Variants in CMSS1 observed in about 807,000 individuals in gnomAD.
CMSS1 encodes cms1 ribosomal small subunit homolog.
CMSS1 carries 33 observed loss-of-function variants against 43.5 expected under a neutral mutation model. The ratio of observed to expected loss-of-function variants is 0.76; its 90% CI spans 0.57 to 1.01. The LOEUF is 1.01. CMSS1 is among the 50% of genes least tolerant of loss of function. CMSS1 has a pLI of 0.00. For synonymous variants in CMSS1, 115 were observed against 117.2 expected (o/e 0.98, Z 0.12); for missense variants, 313 against 326.4 (o/e 0.96, Z 0.32).
chr3:100,019,705 T>TGA (rs1326132991), intron 1 of CMSS1, among the ~76,000 whole-genome samples: 1 of 152,236 alleles, frequency 6.6e-6, no homozygotes, highest in Admixed American at 6.5e-5. Context: ...TATGAATGTA[T>TGA]GCTGATGTAT....
chr3:99,862,838 T>C (rs1944327985), intron 1 of CMSS1, among the ~76,000 whole-genome samples: 1 of 152,234 alleles, frequency 6.6e-6, no homozygotes, highest in Non-Finnish European at 1.5e-5. Context: ...CTCACAGATC[T>C]ACTCCACAGC....
intron 1 of CMSS1, among the ~76,000 whole-genome samples, chr3:100,015,191 T>A (rs898201338): frequency 2.0e-5 from 3 of 152,118 alleles, no homozygotes; most frequent in Admixed American, 6.5e-5. Flanking sequence ...TCGTTGTAGA[T>A]CATTTGACCC....
intron 1 of CMSS1, among the ~76,000 whole-genome samples, chr3:99,847,474 T>C (rs1943417602): frequency 6.6e-6 from 1 of 152,178 alleles, no homozygotes; most frequent in Admixed American, 6.5e-5. Context: ...AGTCAACTCT[T>C]GATTTGTCAA....
At chr3:99,930,119 TTC>T (rs1219800220) in intron 1 of CMSS1, 3 of 1,057,026 alleles carry the variant, frequency 2.8e-6, no homozygotes, top group African/African-American at 3.2e-5. Flanking sequence ...GTGCTTTTTC[TTC>T]TCTTTCAAAT....
At chr3:99,821,423 A>G (rs1942436987) in intron 1 of CMSS1, among the ~76,000 whole-genome samples, 1 of 152,228 alleles carries the variant, frequency 6.6e-6, no homozygotes, top group African/African-American at 2.4e-5. Flanking sequence ...AATTGGAGTC[A>G]TGGCCCAACA....
At chr3:100,149,237 G>C (rs371481870) in intron 2 of CMSS1, among the ~76,000 whole-genome samples, 1 of 151,972 alleles carries the variant, frequency 6.6e-6, no homozygotes, top group Admixed American at 6.6e-5. Context: ...TAATCCTCAC[G>C]GCATCCCTAG....
intron 1 of CMSS1, among the ~76,000 whole-genome samples, chr3:99,994,856 A>T (rs1709628873): frequency 6.6e-6 from 1 of 152,200 alleles, no homozygotes; most frequent in Non-Finnish European, 1.5e-5. Flanking sequence ...CCACGAGAAC[A>T]GTATGGGAGA....
At chr3:100,022,008 C>A (rs2064834918) in intron 1 of CMSS1, among the ~76,000 whole-genome samples, 1 of 147,162 alleles carries the variant, frequency 6.8e-6, no homozygotes, top group Non-Finnish European at 1.5e-5. Context: ...GAGGGGGGCA[C>A]CAAGACAGAC....
chr3:100,016,005 TA>T (rs1470406491), intron 1 of CMSS1, among the ~76,000 whole-genome samples: 2 of 152,224 alleles, frequency 1.3e-5, no homozygotes, highest in African/African-American at 4.8e-5. Flanking sequence ...TTCATTGCTT[TA>T]CCTTAAAAGA....
In CMSS1 at chr3:100,172,361, G is replaced by C. The variant is rs2067117846; in HGVS notation, c.625G>C (p.Gly209Arg). The C allele has an allele frequency of 1.2e-6, 2 of 1,613,762 alleles. 1 individual carries two copies. Among genetic ancestry groups the C allele is most frequent in the South Asian group, 2.2e-5 (2 of 91,082 alleles). Residue 209 changes from glycine to arginine, a missense_variant, in exon 8 of 10, where the codon GGT becomes CGT. By Grantham distance (125) the Gly-to-Arg change is moderately radical. Transcript: ENST00000421999. ...KLLEKRVVHL[G>R]VGTPGRIKEL... ...GCTGGAGAAGCGTGTGGTGCACCTG[G>C]GTGTAGGAACTCCGGGGAGAATTAA...
chr3:100,076,842 C>T (rs1007499749), intron 1 of CMSS1, among the ~76,000 whole-genome samples: 5 of 152,192 alleles, frequency 3.3e-5, no homozygotes, highest in African/African-American at 1.2e-4. Context: ...GTCAGACTTA[C>T]TCAGTATTTA....
chr3:100,111,338 TA>T (rs2066487579), intron 1 of CMSS1, among the ~76,000 whole-genome samples: 1 of 152,194 alleles, frequency 6.6e-6, no homozygotes, highest in Non-Finnish European at 1.5e-5. Flanking sequence ...TCTAGAACTT[TA>T]TTTAAGAGAT....
chr3:100,107,518 A>G (rs1341095050), intron 1 of CMSS1, among the ~76,000 whole-genome samples: 1 of 152,188 alleles, frequency 6.6e-6, no homozygotes, highest in Non-Finnish European at 1.5e-5. Context: ...ATGCTTCAGT[A>G]CAGTCTTTCT....
chr3:100,128,318 T>G (rs1466795566), intron 1 of CMSS1, among the ~76,000 whole-genome samples: 1 of 152,224 alleles, frequency 6.6e-6, no homozygotes, highest in Non-Finnish European at 1.5e-5. Flanking sequence ...TGCCCTTCTC[T>G]GCACATTTTA....
intron 1 of CMSS1, among the ~76,000 whole-genome samples, chr3:99,825,552 T>A (rs1439544447): frequency 1.3e-5 from 2 of 152,158 alleles, no homozygotes; most frequent in African/African-American, 2.4e-5. Context: ...AAATGAGTGG[T>A]TCTTGACAAC....
intron 1 of CMSS1, among the ~76,000 whole-genome samples, chr3:99,895,810 A>G (rs1706232169): frequency 6.6e-6 from 1 of 152,198 alleles, no homozygotes; most frequent in South Asian, 2.1e-4. Context: ...TCACCCATAG[A>G]ATAGGTGCCT....
In CMSS1 at chr3:100,169,207, A is replaced by C. The variant is rs543163624; in HGVS notation, c.518+1367A>C. Among the ~76,000 whole-genome samples the C allele has an allele frequency of 1.1e-4, 16 of 152,362 alleles. 1 individual carries two copies. In the South Asian group the frequency reaches 3.3e-3, roughly 32 times the overall value. Reference sequence around the variant, plus strand: ...CAAATGGAATAAAAACTTAAAGGTAAAGATTATGTTTTAAAGATAATTTGT... The same window carrying C: ...CAAATGGAATAAAAACTTAAAGGTACAGATTATGTTTTAAAGATAATTTGT... On this transcript the variant is annotated intron_variant, in intron 6 of 9. Transcript: ENST00000421999.
intron 1 of CMSS1, among the ~76,000 whole-genome samples, chr3:99,842,080 G>C (rs1416660074): frequency 6.6e-6 from 1 of 152,148 alleles, no homozygotes; most frequent in Non-Finnish European, 1.5e-5. Context: ...TATGGAACCA[G>C]CTCAAATGTC....
At chr3:100,154,258 G>A (rs1478086022) in intron 2 of CMSS1, among the ~76,000 whole-genome samples, 7 of 151,950 alleles carry the variant, frequency 4.6e-5, no homozygotes, top group Admixed American at 4.6e-4. Flanking sequence ...ATTTTTAATT[G>A]ACACATAATA....
Sources: gnomAD v4.1 joint callset for allele counts (sites outside exome capture counted in the v4.1 genomes callset) on GRCh38, gnomAD v4.1.1 for gene constraint, MANE v1.5 for transcripts, NCBI Gene and HGNC (gene_info 2026-07-23, HGNC 2026-07-21) for gene names.